The following SUPT6H variants were observed in gnomAD, a reference collection of about 807,000 sequenced individuals.
SUPT6H encodes transcription elongation factor SPT6.
In SUPT6H, 11 loss-of-function variants were observed where a neutral mutation model predicts 222.3. The observed-to-expected ratio is 0.05, with a 90% CI of 0.03 to 0.08. The LOEUF (loss-of-function observed/expected upper bound fraction) is 0.08. Ranked by LOEUF, SUPT6H falls within the 10% of genes least tolerant of loss-of-function variation. The pLI, the probability that SUPT6H is intolerant of heterozygous loss-of-function variation, is 1.00. For synonymous variants in SUPT6H, 762 were observed against 801.2 expected (o/e 0.95, Z 0.83); for missense variants, 1,422 against 2,216.0 (o/e 0.64, Z 7.19).
chr17:28,665,908 C>G (rs2029983888), intron 1 of SUPT6H, among the ~76,000 whole-genome samples: 1 of 152,112 alleles, frequency 6.6e-6, no homozygotes, highest in Non-Finnish European at 1.5e-5. Context: ...AGAGCAGGAC[C>G]CCATCTCAGA....
chr17:28,683,533 G>GC, intron 16 of SUPT6H, 88 bp from the exon 17 acceptor site: 1 of 1,581,488 alleles, frequency 6.3e-7, no homozygotes, highest in Non-Finnish European at 8.6e-7. Context: ...TGAGCAGGCT[G>GC]TTGTCTCTGG....
intron 1 of SUPT6H, 133 bp from the exon 2 acceptor site, chr17:28,673,238 C>T (rs2030539298): frequency 1.8e-6 from 1 of 559,128 alleles, no homozygotes; most frequent in Non-Finnish European, 3.2e-6. Flanking sequence ...TTCTTCTTTT[C>T]TTCTCCCCAA....
At chr17:28,675,619 C>T (rs1269623772) in intron 6 of SUPT6H, 134 bp downstream of exon 6, 76 of 838,698 alleles carry the variant, frequency 9.1e-5, no homozygotes, top group Non-Finnish European at 2.5e-5. Flanking sequence ...CTCAAATAAC[C>T]TCTACCAGGC....
chr17:28,690,471 C>T (rs1401439644), intron 26 of SUPT6H, among the ~76,000 whole-genome samples: 2 of 152,138 alleles, frequency 1.3e-5, no homozygotes, highest in African/African-American at 4.8e-5. Flanking sequence ...TTTATTTTCC[C>T]CTATCATCAA....
chr17:28,687,606 G>C, intron 23 of SUPT6H, 135 bp downstream of exon 23: 1 of 1,004,498 alleles, frequency 1.0e-6, no homozygotes, highest in Non-Finnish European at 1.4e-6. Flanking sequence ...GCTAGTGAGA[G>C]TCAAAAGAGT....
At chr17:28,664,497 T>G (rs977869959) in intron 1 of SUPT6H, among the ~76,000 whole-genome samples, 2 of 152,306 alleles carry the variant, frequency 1.3e-5, no homozygotes, top group Admixed American at 6.5e-5. Flanking sequence ...AGAACAAAAC[T>G]CCGTCTCAAA....
At chr17:28,674,184 C>G (rs1052326281) in intron 2 of SUPT6H, 99 bp from the exon 3 acceptor site, 23 of 1,419,196 alleles carry the variant, frequency 1.6e-5, no homozygotes, top group Non-Finnish European at 2.0e-5. Context: ...GCACCCAGGT[C>G]ATTAGGTGCA....
intron 9 of SUPT6H, 150 bp downstream of exon 9, chr17:28,678,342 C>T (rs2030882574): frequency 7.0e-6 from 6 of 861,024 alleles, no homozygotes; most frequent in Admixed American, 2.6e-5. Context: ...CCCTAGTGAT[C>T]GTAAGAACAA....
In SUPT6H at chr17:28,678,956, A is replaced by C. The variant is rs769469685; in HGVS notation, c.1342A>C (p.Met448Leu). 1.2e-6 allele frequency: 2 copies of C among 1,614,106 alleles called. No individual in the cohort carries two copies. The highest frequency in any genetic ancestry group is 2.7e-5 in the African/African-American group (2 of 74,948). Residue 448 changes from methionine (M) to leucine (L), a missense_variant, in exon 11 of 37, where the codon ATG becomes CTG. Transcript: ENST00000314616. ...CATCCGGGCTCTGGACACCACTGAC[A>C]TGGAGAGGTAAAACATGCGGTGTTT... ...DGIRALDTTD[M>L]ERLKDVQSMD...
chr17:28,679,175 C>G (rs998375423), intron 11 of SUPT6H, among the ~76,000 whole-genome samples: 3 of 152,156 alleles, frequency 2.0e-5, no homozygotes, highest in Admixed American at 6.5e-5. Flanking sequence ...AGTTCAAGAT[C>G]AGCTTGGCCA....
chr17:28,687,739 A>G (rs1023607959), intron 23 of SUPT6H, among the ~76,000 whole-genome samples: 15 of 152,134 alleles, frequency 9.9e-5, no homozygotes, highest in Non-Finnish European at 1.6e-4. Flanking sequence ...ACTGGTCTCA[A>G]ACTCCTGACC....
At chr17:28,681,739 G>C (rs990786746) in intron 12 of SUPT6H, 143 bp from the exon 13 acceptor site, 5 of 633,080 alleles carry the variant, frequency 7.9e-6, no homozygotes, top group Non-Finnish European at 1.3e-5. Context: ...AATCAAGAAA[G>C]AAAACCCAGG....
At position 28,700,532 on chromosome 17, in the gene SUPT6H, A is replaced by G; in HGVS notation, c.4806+20A>G. On this transcript the variant is annotated intron_variant, in intron 35 of 36. Coordinates refer to ENST00000314616, the MANE Select transcript of SUPT6H (RefSeq NM_003170.5). ...TACCACGTATGTGGCTTGGGGAGGA[A>G]GCTCCCTGTGCAGGGTGGGGCCCAT... 6.2e-7 allele frequency: 1 copy of G among 1,609,488 alleles called. No homozygotes were observed. Among genetic ancestry groups the G allele is most frequent in the Non-Finnish European group, 8.5e-7 (1 of 1,177,232 alleles).
In SUPT6H at chr17:28,699,642, A is replaced by G. The variant is rs985389019; in HGVS notation, c.4449-139A>G. 2.9e-5 allele frequency: 22 copies of G among 754,826 alleles called. No individual in the cohort carries two copies. The Admixed American group carries it at 3.1e-4, about 11-fold the overall frequency. The allele number at this position is 754,826 out of a possible 1,614,324, so 46.8% of individuals were successfully genotyped here. A position where few individuals can be genotyped will look rare whatever the true frequency, so the allele number is the denominator to read the frequency against. ...CCATGTGCTGCTCACCTCCCTTCAC[A>G]GGCCTGGGGACTGGCTGTGTCATCT... On this transcript the variant is annotated intron_variant, in intron 32 of 36. Transcript: ENST00000314616.
intron 6 of SUPT6H, 64 bp downstream of exon 6, chr17:28,675,549 G>C: frequency 1.9e-6 from 3 of 1,566,548 alleles, no homozygotes; most frequent in Non-Finnish European, 2.6e-6. Flanking sequence ...GGAAGGAGGA[G>C]ATCAGAGGCC....
intron 6 of SUPT6H, 37 bp from the exon 7 acceptor site, chr17:28,676,120 T>C: frequency 6.5e-7 from 1 of 1,548,320 alleles, no homozygotes; most frequent in Non-Finnish European, 8.7e-7. Context: ...TCCTCTCACC[T>C]GAACCTGAGC....
Position 28,684,951 on chromosome 17 carries a change from G to A in SUPT6H, c.2477G>A (p.Arg826Gln), listed in dbSNP as rs1314013652. The change falls in exon 19 of 37, where the codon CGG becomes CAG. Residue 826 changes from arginine to glutamine, a missense_variant. Around this residue, in one of 13 missense-constraint regions of SUPT6H, gnomAD observed 294 missense variants for 382.1 expected, o/e 0.77. Coordinates refer to ENST00000314616, the MANE Select transcript of SUPT6H (RefSeq NM_003170.5). ...KRRTAWREEE[R>Q]EKKAQDIETL... ...CGAACTGCATGGAGAGAGGAAGAGC[G>A]GGAAAAGAAGGCAAGTGGCTAGGAC... 8 of 1,613,714 alleles carry A rather than the reference G, an allele frequency of 5.0e-6. No homozygotes were observed. The highest frequency in any genetic ancestry group is 1.1e-5 in the South Asian group (1 of 90,972).
At chr17:28,662,732 A>C (rs1184351680) in intron 1 of SUPT6H, among the ~76,000 whole-genome samples, 1 of 152,222 alleles carries the variant, frequency 6.6e-6, no homozygotes, top group Non-Finnish European at 1.5e-5. Context: ...TGGAGCTTTC[A>C]GCAGCTCGGC....
chr17:28,666,481 A>G (rs1200951008), intron 1 of SUPT6H, among the ~76,000 whole-genome samples: 2 of 152,056 alleles, frequency 1.3e-5, no homozygotes, highest in African/African-American at 2.4e-5. Context: ...ATCTGGTTAC[A>G]TATTTCAGTT....
Sources: allele counts gnomAD v4.1 joint callset (sites outside exome capture counted in the v4.1 genomes callset), GRCh38; gene constraint gnomAD v4.1.1; regional missense constraint gnomAD v4.1.1; transcripts MANE v1.5; gene names NCBI Gene and HGNC (gene_info 2026-07-23, HGNC 2026-07-21).